BCAS3: variants seen among roughly 807,000 people sequenced by gnomAD.
BCAS3 encodes BCAS3 microtubule associated cell migration factor.
In BCAS3, 53 loss-of-function variants were observed where a neutral mutation model predicts 116.1. The observed-to-expected ratio is 0.46, with a 90% CI of 0.37 to 0.57. BCAS3 has a LOEUF of 0.57. Among genes scored for constraint, BCAS3 ranks in the 20% least tolerant of loss-of-function variants. BCAS3 has a pLI of 0.00. For synonymous variants in BCAS3, 391 were observed against 408.2 expected (o/e 0.96, Z 0.51); for missense variants, 917 against 1,165.4 (o/e 0.79, Z 3.10).
intron 13 of BCAS3, among the ~76,000 whole-genome samples, chr17:60,928,747 T>C (rs1175532093): frequency 6.6e-6 from 1 of 152,264 alleles, no homozygotes; most frequent in African/African-American, 2.4e-5. Context: ...TAGCAAGTGC[T>C]AGTCAGCAGC....
chr17:60,997,800 G>A (rs1466672340), intron 15 of BCAS3, among the ~76,000 whole-genome samples: 3 of 152,086 alleles, frequency 2.0e-5, no homozygotes, highest in Non-Finnish European at 4.4e-5. Flanking sequence ...TGCTCCTTCT[G>A]TAAACCCTTT....
Position 61,067,269 on chromosome 17 carries a change from A to ATGTG in BCAS3, c.2030-7649_2030-7646dup, listed in dbSNP as rs1254698057. Among the ~76,000 whole-genome samples the ATGTG allele has an allele frequency of 4.2e-3, 351 of 83,278 alleles. 2 individuals are homozygous for ATGTG. The highest frequency in any genetic ancestry group is 0.019 in the African/African-American group (326 of 16,998). The allele number at this position is 83,278 out of a possible 152,430, so 54.6% of individuals were successfully genotyped here. A position where few individuals can be genotyped will look rare whatever the true frequency, so the allele number is the denominator to read the frequency against. On this transcript the variant is annotated intron_variant, in intron 19 of 23. Transcript: ENST00000407086. ...ATTTCATAACTTTATTTATGTGTGT[A>ATGTG]TGTGTATATATATATATATATATAT...
At chr17:60,921,404 G>C (rs1051562727) in intron 12 of BCAS3, among the ~76,000 whole-genome samples, 2 of 151,988 alleles carry the variant, frequency 1.3e-5, no homozygotes, top group Admixed American at 1.3e-4. Flanking sequence ...ACAAGGTCAG[G>C]AGATCGAGAC....
intron 6 of BCAS3, among the ~76,000 whole-genome samples, chr17:60,782,824 G>A (rs562155545): frequency 6.6e-6 from 1 of 152,058 alleles, no homozygotes; most frequent in African/African-American, 2.4e-5. Flanking sequence ...TTGACCTCAG[G>A]TGATCTGCCT....
chr17:60,851,895 G>A (rs2053203336), intron 7 of BCAS3: 1 of 1,444,012 alleles, frequency 6.9e-7, no homozygotes, highest in African/African-American at 1.4e-5. Context: ...CATTTTTTAA[G>A]TGTAAATGCT....
intron 22 of BCAS3, among the ~76,000 whole-genome samples, chr17:61,170,146 G>A (rs1028774613): frequency 3.9e-5 from 6 of 152,094 alleles, no homozygotes; most frequent in African/African-American, 7.2e-5. Context: ...GAGTCACCGC[G>A]CCCGGCTAAC....
chr17:61,388,741 C>A lies in BCAS3; in HGVS notation c.2594-3236C>A. The A allele has an allele frequency of 6.5e-7, 1 of 1,531,082 alleles. No individual in the cohort carries two copies. Among genetic ancestry groups the A allele is most frequent in the Non-Finnish European group, 8.7e-7 (1 of 1,143,630 alleles). 94.8% of individuals were successfully genotyped at this position (1,531,082 alleles called of 1,614,324 possible). On this transcript the variant is annotated intron_variant, in intron 23 of 23. Coordinates refer to ENST00000407086, the MANE Select transcript of BCAS3 (RefSeq NM_017679.5). The surrounding 1 kb of genome is among the most constrained non-coding windows in gnomAD (Gnocchi z 6.5). ...CACACGTTTCCATTTGCCGCTTGCT[C>A]GTAGGGCTGGGCGGCCGGGATGACT...
chr17:60,806,382 GGTCAGC>G, intron 6 of BCAS3, among the ~76,000 whole-genome samples: 1 of 152,222 alleles, frequency 6.6e-6, no homozygotes, highest in East Asian at 1.9e-4. Context: ...TCAAAGAGCC[GGTCAGC>G]GTGTCTTTCT....
At chr17:60,766,731 C>T (rs1467751771) in intron 6 of BCAS3, among the ~76,000 whole-genome samples, 2 of 152,246 alleles carry the variant, frequency 1.3e-5, no homozygotes, top group African/African-American at 2.4e-5. Flanking sequence ...CTCTTGAGAG[C>T]TGTCGGGCAG....
chr17:61,234,294 A>G (rs2082864811), intron 22 of BCAS3, among the ~76,000 whole-genome samples: 1 of 152,072 alleles, frequency 6.6e-6, no homozygotes, highest in Non-Finnish European at 1.5e-5. Context: ...CAAATCCTAC[A>G]TTCCTACACC....
chr17:60,804,550 C>G (rs898312866), intron 6 of BCAS3, among the ~76,000 whole-genome samples: 4 of 152,050 alleles, frequency 2.6e-5, no homozygotes. Context: ...TGTATGTATT[C>G]CTTTTTTCCA....
At chr17:61,305,368 C>T (rs1351247073) in intron 22 of BCAS3, among the ~76,000 whole-genome samples, 2 of 152,066 alleles carry the variant, frequency 1.3e-5, no homozygotes, top group East Asian at 3.9e-4. Context: ...GTAGTGAGCC[C>T]AGTCAGAAGA....
chr17:60,807,413 G>A (rs1390938542), intron 6 of BCAS3, among the ~76,000 whole-genome samples: 1 of 152,056 alleles, frequency 6.6e-6, no homozygotes, highest in Non-Finnish European at 1.5e-5. Flanking sequence ...TTAGTTGGTG[G>A]GGTATGGGAT....
chr17:61,317,720 A>T (rs1024895662), intron 22 of BCAS3, among the ~76,000 whole-genome samples: 1 of 152,234 alleles, frequency 6.6e-6, no homozygotes, highest in Non-Finnish European at 1.5e-5. Flanking sequence ...AGTAGGGCAC[A>T]GTTGTTCCTA....
At chr17:60,690,147 C>G (rs2034618054) in intron 4 of BCAS3, among the ~76,000 whole-genome samples, 1 of 152,152 alleles carries the variant, frequency 6.6e-6, no homozygotes, top group Non-Finnish European at 1.5e-5. Flanking sequence ...GAATTTTATG[C>G]TAGTCCAAGT....
At chr17:61,117,979 C>T (rs897929109) in intron 22 of BCAS3, among the ~76,000 whole-genome samples, 1 of 152,026 alleles carries the variant, frequency 6.6e-6, no homozygotes, top group African/African-American at 2.4e-5. Flanking sequence ...AAGTCTTTGT[C>T]AGATAATTTT....
intron 22 of BCAS3, among the ~76,000 whole-genome samples, chr17:61,210,688 C>G (rs2081406323): frequency 6.6e-6 from 1 of 152,084 alleles, no homozygotes; most frequent in Non-Finnish European, 1.5e-5. Flanking sequence ...TTAGAGGTAA[C>G]TATTAAATAG....
rs545281324 is a variant in BCAS3, at chr17:61,367,232, G to A, written c.2426-1095G>A. On this transcript the variant is annotated intron_variant, in intron 22 of 23. Coordinates refer to ENST00000407086, the MANE Select transcript of BCAS3 (RefSeq NM_017679.5). This position sits in a 1 kb window ranked among gnomAD's most constrained non-coding sequence, Gnocchi z 6.2. The stretch of plus-strand genomic sequence containing the variant: ...ATTTTTTCCCCATCTTCCCGATGCT[G>A]GCAGGAACCAAGCCCAATAAATGCA... Among the ~76,000 whole-genome samples the A allele has an allele frequency of 3.3e-5, 5 of 152,340 alleles. No homozygotes were observed. The highest frequency in any genetic ancestry group is 1.2e-4 in the African/African-American group (5 of 41,570).
At position 61,380,452 on chromosome 17, in the gene BCAS3, C is replaced by T. The variant is rs763240623; in HGVS notation, c.2594-11525C>T. 2.0e-6 allele frequency: 3 copies of T among 1,527,658 alleles called. No individual in the cohort carries two copies. Among genetic ancestry groups the T allele is most frequent in the Non-Finnish European group, 2.7e-6 (3 of 1,121,476 alleles). 94.6% of individuals were successfully genotyped at this position (1,527,658 alleles called of 1,614,324 possible). On this transcript the variant is annotated intron_variant, in intron 23 of 23. Transcript: ENST00000407086. This position sits in a 1 kb window ranked among gnomAD's most constrained non-coding sequence, Gnocchi z 4.2. ...CTTTGATCTCAGCTCTTCCTGCTCT[C>T]TTAAAGGTCCAGTTTGTGATCCGCT...
Sources: gnomAD v4.1 joint callset for allele counts (sites outside exome capture counted in the v4.1 genomes callset) on GRCh38, gnomAD v4.1.1 for gene constraint, Gnocchi (gnomAD v3.1) non-coding constraint, MANE v1.5 for transcripts, NCBI Gene and HGNC (gene_info 2026-07-23, HGNC 2026-07-21) for gene names.